C12orf50: variants seen among roughly 807,000 people sequenced by gnomAD.
C12orf50 encodes the protein uncharacterized protein C12orf50.
C12orf50 carries 35 observed loss-of-function variants against 61.6 expected under a neutral mutation model. The observed-to-expected ratio is 0.57, with a 90% CI of 0.43 to 0.75. The LOEUF (loss-of-function observed/expected upper bound fraction) is 0.75. C12orf50 is among the 30% of genes least tolerant of loss of function. C12orf50 has a pLI of 0.00. For missense variants in C12orf50, 475 were observed against 488.5 expected (o/e 0.97, Z 0.26); for synonymous variants, 178 against 161.5 (o/e 1.10, Z -0.77).
At chr12:87,984,946 T>C (rs2030727913) in intron 11 of C12orf50, 1 of 152,038 alleles carries the variant, frequency 6.6e-6, no homozygotes, top group African/African-American at 2.4e-5. Flanking sequence ...CCTAAGAATA[T>C]CCTTATTTAC....
intron 3 of C12orf50, among the ~76,000 whole-genome samples, chr12:88,006,774 C>G (rs1442411455): frequency 6.6e-6 from 1 of 152,106 alleles, no homozygotes; most frequent in Non-Finnish European, 1.5e-5. Flanking sequence ...CTTTCTCCCC[C>G]CAGAAAGGTA....
intron 4 of C12orf50, 139 bp from the exon 5 acceptor site, chr12:87,996,785 T>A: frequency 1.6e-6 from 1 of 620,090 alleles, no homozygotes; most frequent in Non-Finnish European, 2.8e-6. Context: ...TAATTTTACA[T>A]ACTAGTACAT....
intron 3 of C12orf50, among the ~76,000 whole-genome samples, chr12:88,007,707 C>A (rs778205539): frequency 3.3e-5 from 5 of 152,138 alleles, no homozygotes; most frequent in Non-Finnish European, 7.4e-5. Flanking sequence ...GCAATATATA[C>A]CTTTTTTTGT....
chr12:87,994,472 G>A (rs1321469516), intron 7 of C12orf50, among the ~76,000 whole-genome samples, 161 bp downstream of exon 7: 2 of 152,064 alleles, frequency 1.3e-5, no homozygotes, highest in African/African-American at 2.4e-5. Context: ...ATTTGGCAGA[G>A]ATTTTGGTCT....
chr12:88,006,247 G>A lies in C12orf50; in HGVS notation c.134-8057C>T, dbSNP rs114324736. ...AACTCTTTTTAACTGTGTCTTTACC[G>A]GGTTGTCTTTGGTAAACTTCTAGCT... On this transcript the variant is annotated intron_variant, in intron 3 of 12. Coordinates refer to ENST00000298699, the MANE Select transcript of C12orf50 (RefSeq NM_152589.3). Among the ~76,000 whole-genome samples, 446 of 152,146 alleles carry A rather than the reference G, an allele frequency of 2.9e-3. 2 individuals carry two copies. Among genetic ancestry groups the A allele is most frequent in the African/African-American group, 0.01 (416 of 41,516 alleles).
At chr12:88,015,561 A>G (rs2032280591) in intron 3 of C12orf50, among the ~76,000 whole-genome samples, 1 of 152,228 alleles carries the variant, frequency 6.6e-6, no homozygotes, top group Admixed American at 6.5e-5. Flanking sequence ...ATTTTTCTTC[A>G]GCAAAATATA....
At chr12:88,019,096 G>A (rs1309527516) in intron 3 of C12orf50, among the ~76,000 whole-genome samples, 1 of 152,030 alleles carries the variant, frequency 6.6e-6, no homozygotes, top group African/African-American at 2.4e-5. Context: ...GAATGATATG[G>A]TTTGGCTCTT....
At chr12:88,013,961 G>A (rs942292611) in intron 3 of C12orf50, among the ~76,000 whole-genome samples, 2 of 152,098 alleles carry the variant, frequency 1.3e-5, no homozygotes, top group African/African-American at 2.4e-5. Flanking sequence ...TGAGCTTCAC[G>A]TGATATAAGA....
chr12:87,985,903 C>G lies in C12orf50; in HGVS notation c.1073G>C (p.Gly358Ala). 1 of 1,613,650 alleles carries G rather than the reference C, an allele frequency of 6.2e-7. No individual in the cohort carries two copies. The change falls in exon 11 of 13, where the codon GGG (glycine) becomes GCG (alanine). Residue 358 changes from glycine (G) to alanine (A), a missense_variant. Gly to Ala is a moderately conservative substitution (Grantham distance 60, BLOSUM62 0). Transcript: ENST00000298699. ...GTTAGCATGGACTTTATTGTAGGAC[C>G]CATGCGTGGGCCTGCTGCGGGAAGG... is the stretch of plus-strand genomic sequence containing the variant. ...NAPSRSRPTHGSYNKVHANRE... is the reference protein window; with the variant it reads ...NAPSRSRPTHASYNKVHANRE...
At chr12:88,012,875 A>T (rs1337680485) in intron 3 of C12orf50, among the ~76,000 whole-genome samples, 1 of 152,122 alleles carries the variant, frequency 6.6e-6, no homozygotes. Context: ...ACCGGCCTAC[A>T]TAATATGGTG....
intron 3 of C12orf50, among the ~76,000 whole-genome samples, chr12:88,008,356 G>A (rs939539163): frequency 6.6e-5 from 10 of 152,038 alleles, no homozygotes; most frequent in African/African-American, 2.4e-4. Flanking sequence ...AAGGATGATG[G>A]CCTCCAACTC....
chr12:87,990,466 T>C (rs1029380996), intron 7 of C12orf50, among the ~76,000 whole-genome samples: 1 of 152,174 alleles, frequency 6.6e-6, no homozygotes, highest in African/African-American at 2.4e-5. Context: ...TTTTGGTTTC[T>C]ACCATGACCA....
At chr12:88,029,674 C>T (rs2136515503), upstream of C12orf50, among the ~76,000 whole-genome samples, 1 of 152,212 alleles carries the variant, frequency 6.6e-6, no homozygotes, top group African/African-American at 2.4e-5. Flanking sequence ...ACAGCTATTT[C>T]TAAATCTTCG....
At chr12:87,994,095 G>T (rs961389810) in intron 7 of C12orf50, among the ~76,000 whole-genome samples, 1 of 152,016 alleles carries the variant, frequency 6.6e-6, no homozygotes, top group Admixed American at 6.6e-5. Context: ...AGCTACTTAG[G>T]AGGCTGAGGC....
intron 3 of C12orf50, among the ~76,000 whole-genome samples, chr12:88,018,291 G>A (rs2032384752): frequency 6.6e-6 from 1 of 152,210 alleles, no homozygotes; most frequent in African/African-American, 2.4e-5. Context: ...TGGTTTCAGA[G>A]GGTGCAGACC....
At chr12:88,017,849 G>A (rs1375123122) in intron 3 of C12orf50, among the ~76,000 whole-genome samples, 2 of 152,194 alleles carry the variant, frequency 1.3e-5, no homozygotes, top group Admixed American at 6.5e-5. Context: ...TTGAATTTAA[G>A]AGAGATAATT....
chr12:88,020,230 A>T (rs2032464016), intron 3 of C12orf50, among the ~76,000 whole-genome samples: 1 of 152,174 alleles, frequency 6.6e-6, no homozygotes, highest in African/African-American at 2.4e-5. Flanking sequence ...CACCAATTAA[A>T]AGGCACAGAG....
intron 3 of C12orf50, among the ~76,000 whole-genome samples, chr12:87,998,674 G>A (rs1407033636): frequency 6.6e-6 from 1 of 151,480 alleles, no homozygotes; most frequent in East Asian, 1.9e-4. Flanking sequence ...TTGAGAAGCT[G>A]ATTCTAAAAT....
intron 10 of C12orf50, 80 bp from the exon 11 acceptor site, chr12:87,986,133 C>G (rs1321495413): frequency 1.4e-6 from 2 of 1,470,678 alleles, no homozygotes; most frequent in Non-Finnish European, 1.9e-6. Flanking sequence ...ACTGCAAATA[C>G]TTCATAGCAT....
Sources: gnomAD v4.1 joint callset for allele counts (sites outside exome capture counted in the v4.1 genomes callset) on GRCh38, gnomAD v4.1.1 for gene constraint, MANE v1.5 for transcripts, NCBI Gene and HGNC (gene_info 2026-07-23, HGNC 2026-07-21) for gene names.